ZSWIM5: variants seen among roughly 807,000 people sequenced by gnomAD.
ZSWIM5 encodes the protein zinc finger SWIM domain-containing protein 5.
ZSWIM5 carries 55 observed loss-of-function variants against 119.6 expected under a neutral mutation model. That is an observed-to-expected ratio of 0.46 (90% confidence interval 0.37 to 0.58). The LOEUF (loss-of-function observed/expected upper bound fraction) is 0.58, where lower values mean the gene tolerates loss of function less well. Among genes scored for constraint, ZSWIM5 ranks in the 20% least tolerant of loss-of-function variants. The probability of loss-of-function intolerance (pLI) is 0.00; values close to 1 mark genes in which losing one functional copy is unlikely to be tolerated. For missense variants in ZSWIM5, 1,193 were observed against 1,512.8 expected, an observed-to-expected ratio of 0.79 and a Z score of 3.51; for synonymous variants, 537 against 606.9, an observed-to-expected ratio of 0.88 and a Z score of 1.69.
intron 1 of ZSWIM5, among the ~76,000 whole-genome samples, chr1:45,096,221 C>A (rs1239795998): frequency 6.6e-6 from 1 of 151,998 alleles, no homozygotes; most frequent in Non-Finnish European, 1.5e-5. Flanking sequence ...GAGCAATAGG[C>A]AGGTATAAAG....
At chr1:45,156,264 A>G (rs1209338871) in intron 1 of ZSWIM5, among the ~76,000 whole-genome samples, 1 of 151,764 alleles carries the variant, frequency 6.6e-6, no homozygotes, top group Non-Finnish European at 1.5e-5. Context: ...AAAGATGGCA[A>G]TATTAGACAC....
chr1:45,105,186 G>C (rs555912937), intron 1 of ZSWIM5, among the ~76,000 whole-genome samples: 200 of 152,210 alleles, frequency 1.3e-3, no homozygotes, highest in African/African-American at 4.6e-3. Flanking sequence ...TCCTGGCCTC[G>C]GGTGATCTCC....
intron 1 of ZSWIM5, among the ~76,000 whole-genome samples, chr1:45,124,665 T>C (rs138531808): frequency 6.2e-4 from 94 of 152,164 alleles, no homozygotes; most frequent in African/African-American, 2.2e-3. Context: ...AGACAAGAGA[T>C]TGGTAGAGCA....
intron 1 of ZSWIM5, among the ~76,000 whole-genome samples, chr1:45,106,094 G>A (rs561175299): frequency 2.7e-4 from 34 of 127,894 alleles, no homozygotes; most frequent in African/African-American, 6.7e-4. Context: ...CGGCCGCCCC[G>A]TCTGGGAGGT....
At chr1:45,109,594 A>C (rs1645503198) in intron 1 of ZSWIM5, among the ~76,000 whole-genome samples, 1 of 151,968 alleles carries the variant, frequency 6.6e-6, no homozygotes, top group Non-Finnish European at 1.5e-5. Context: ...AAATACAAAA[A>C]ATTTGCTGGG....
chr1:45,161,645 C>T (rs779728193), intron 1 of ZSWIM5, among the ~76,000 whole-genome samples: 6 of 152,122 alleles, frequency 3.9e-5, no homozygotes, highest in African/African-American at 9.7e-5. Context: ...GAAGTGTGCA[C>T]GTTCACTTTT....
At chr1:45,127,289 G>A (rs1194360214) in intron 1 of ZSWIM5, among the ~76,000 whole-genome samples, 1 of 152,048 alleles carries the variant, frequency 6.6e-6, no homozygotes, top group Non-Finnish European at 1.5e-5. Context: ...CATATCAGTT[G>A]ACACAGGAAA....
chr1:45,084,304 A>T (rs1458856241), intron 2 of ZSWIM5, among the ~76,000 whole-genome samples: 1 of 152,164 alleles, frequency 6.6e-6, no homozygotes, highest in Non-Finnish European at 1.5e-5. Context: ...ATCACCTCCC[A>T]TCAGGCCCTT....
chr1:45,206,416 A>G lies in ZSWIM5; in HGVS notation c.-66T>C, dbSNP rs1646192595. On this transcript the variant is annotated 5_prime_UTR_variant, in exon 1 of 14. Coordinates refer to ENST00000359600, the MANE Select transcript of ZSWIM5 (RefSeq NM_020883.2). ...TCGGGCTGCGGCGGAGACCCTGGCCACGGCCACGCGCCCCGCGCAAGCGCC... is the reference window on the plus strand; with the variant it reads ...TCGGGCTGCGGCGGAGACCCTGGCCGCGGCCACGCGCCCCGCGCAAGCGCC... 2 of 1,291,822 alleles carry G rather than the reference A, an allele frequency of 1.5e-6. No individual in the cohort carries two copies. Among genetic ancestry groups the G allele is most frequent in the South Asian group, 4.7e-5 (2 of 42,788 alleles). 80.0% of individuals were successfully genotyped at this position (1,291,822 alleles called of 1,614,324 possible).
chr1:45,148,705 A>G lies in ZSWIM5; in HGVS notation c.595+57051T>C, dbSNP rs543412573. Among the ~76,000 whole-genome samples, 21 of 152,350 alleles carry G rather than the reference A, an allele frequency of 1.4e-4. 1 individual carries two copies. In the South Asian group the frequency reaches 3.5e-3, roughly 26 times the overall value. ...CTTTTGTGAGATCCAAAGCTTTGTAACTAACTGCATATTCTAGAGCATCAT... is the reference window on the plus strand; with the variant it reads ...CTTTTGTGAGATCCAAAGCTTTGTAGCTAACTGCATATTCTAGAGCATCAT... On this transcript the variant is annotated intron_variant, in intron 1 of 13. Coordinates refer to ENST00000359600, the MANE Select transcript of ZSWIM5 (RefSeq NM_020883.2).
intron 2 of ZSWIM5, among the ~76,000 whole-genome samples, chr1:45,068,504 A>AG (rs2149003618): frequency 6.6e-6 from 1 of 151,746 alleles, no homozygotes; most frequent in African/African-American, 2.4e-5. Context: ...CTCAAAAAAA[A>AG]AAAATTAATG....
chr1:45,039,650 C>T (rs1010064023), intron 7 of ZSWIM5, among the ~76,000 whole-genome samples: 4 of 151,766 alleles, frequency 2.6e-5, no homozygotes, highest in African/African-American at 9.7e-5. Context: ...CTACCAAAGT[C>T]CTGGGATTAC....
At chr1:45,144,237 C>T (rs1645747577) in intron 1 of ZSWIM5, among the ~76,000 whole-genome samples, 1 of 151,918 alleles carries the variant, frequency 6.6e-6, no homozygotes, top group Non-Finnish European at 1.5e-5. Flanking sequence ...TTAAGAAATA[C>T]TATAAAGCAG....
intron 5 of ZSWIM5, among the ~76,000 whole-genome samples, chr1:45,049,851 T>C (rs1363519676): frequency 6.6e-6 from 1 of 152,100 alleles, no homozygotes; most frequent in African/African-American, 2.4e-5. Context: ...CCAAAGCCAC[T>C]ATCAAAGAGA....
intron 1 of ZSWIM5, among the ~76,000 whole-genome samples, chr1:45,109,552 C>T (rs777379153): frequency 3.3e-5 from 5 of 150,618 alleles, no homozygotes; most frequent in East Asian, 1.9e-4. Flanking sequence ...AAGACCAGCC[C>T]GCCCAACATG....
At chr1:45,204,112 A>C (rs181942698) in intron 1 of ZSWIM5, among the ~76,000 whole-genome samples, 1 of 152,252 alleles carries the variant, frequency 6.6e-6, no homozygotes, top group East Asian at 1.9e-4. Context: ...CACTTTAGTT[A>C]CTTTAAAAAT....
intron 2 of ZSWIM5, among the ~76,000 whole-genome samples, chr1:45,087,284 T>G (rs551334490): frequency 9.4e-4 from 143 of 152,356 alleles, no homozygotes; most frequent in African/African-American, 3.2e-3. Flanking sequence ...TTGTTGCTAC[T>G]AGGTTATAAG....
rs149321998 is a variant in ZSWIM5, at chr1:45,206,458, G to A, written c.-108C>T. On this transcript the variant is annotated 5_prime_UTR_variant, in exon 1 of 14. Transcript: ENST00000359600. ...GCAAGCGCCCAGCGGTGGCGCCGAGGGGGGCGGGGCGAGAGAACCCGCGAG... is the reference window on the plus strand; with the variant it reads ...GCAAGCGCCCAGCGGTGGCGCCGAGAGGGGCGGGGCGAGAGAACCCGCGAG... 3.9e-3 allele frequency: 4,770 copies of A among 1,214,488 alleles called. 13 individuals carry two copies. The highest frequency in any genetic ancestry group is 5.3e-3 in the Admixed American group (121 of 22,968). 75.2% of individuals were successfully genotyped at this position (1,214,488 alleles called of 1,614,324 possible).
intron 1 of ZSWIM5, among the ~76,000 whole-genome samples, chr1:45,168,147 A>T (rs1645919685): frequency 6.6e-6 from 1 of 152,102 alleles, no homozygotes. Context: ...TGCAGCCATA[A>T]AAAAGGGTGA....
Sources: gnomAD v4.1 joint callset for allele counts (sites outside exome capture counted in the v4.1 genomes callset) on GRCh38, gnomAD v4.1.1 for gene constraint, MANE v1.5 for transcripts, NCBI Gene and HGNC (gene_info 2026-07-23, HGNC 2026-07-21) for gene names.